MYO3B: variants seen among roughly 807,000 people sequenced by gnomAD.
MYO3B encodes the protein myosin IIIB.
In MYO3B, 156 loss-of-function variants were observed where a neutral mutation model predicts 174.6. The ratio of observed to expected loss-of-function variants is 0.89; its 90% CI spans 0.78 to 1.02. MYO3B has a LOEUF of 1.02. Among genes scored for constraint, MYO3B ranks in the 50% least tolerant of loss-of-function variants. The probability of loss-of-function intolerance (pLI) is 0.00; values close to 1 mark genes in which losing one functional copy is unlikely to be tolerated. For missense variants in MYO3B, 1,632 were observed against 1,639.4 expected (o/e 1.00, Z 0.08); for synonymous variants, 563 against 569.1 (o/e 0.99, Z 0.15).
chr2:170,652,925 A>G, intron 34 of MYO3B, 58 bp from the exon 35 acceptor site: 1 of 1,601,416 alleles, frequency 6.2e-7, no homozygotes, highest in Non-Finnish European at 8.5e-7. Flanking sequence ...TGCCCCAGTG[A>G]TGATTGTAAC....
chr2:170,237,285 A>G (rs1320441501), intron 7 of MYO3B, among the ~76,000 whole-genome samples: 1 of 152,186 alleles, frequency 6.6e-6, no homozygotes, highest in Non-Finnish European at 1.5e-5. Flanking sequence ...GGTGTCTGGA[A>G]TGATTTGTGT....
intron 32 of MYO3B, among the ~76,000 whole-genome samples, chr2:170,554,270 G>A (rs541519184): frequency 6.6e-6 from 1 of 152,344 alleles, no homozygotes; most frequent in East Asian, 1.9e-4. Flanking sequence ...GGTGCTCTCT[G>A]AAGGAACTCT....
At chr2:170,508,125 G>A (rs1421760517) in intron 28 of MYO3B, among the ~76,000 whole-genome samples, 1 of 152,094 alleles carries the variant, frequency 6.6e-6, no homozygotes, top group African/African-American at 2.4e-5. Flanking sequence ...GCAACAGTAG[G>A]TACCCCTAGG....
rs762371576 is a variant in MYO3B, at chr2:170,402,875, G to C, written c.2157G>C (p.Gly719=). 1 of 1,612,002 alleles carries C rather than the reference G, an allele frequency of 6.2e-7. No individual in the cohort carries two copies. Among genetic ancestry groups the C allele is most frequent in the Non-Finnish European group, 8.5e-7 (1 of 1,178,458 alleles). ...ICSAGGGMNV[G]ILDIFGFENF... is the part of the protein sequence containing the mutation. ...GTGCAGGAGGTGGAATGAATGTGGG[G>C]ATCTTGGATATCTTTGGATTCGAGA... is the stretch of plus-strand genomic sequence containing the variant. Residue 719 remains glycine, a synonymous_variant, in exon 19 of 35, where the codon GGG becomes GGC. Transcript: ENST00000408978.
chr2:170,180,088 C>T, intron 1 of MYO3B: 1 of 362,652 alleles, frequency 2.8e-6, no homozygotes, highest in South Asian at 1.9e-5. Flanking sequence ...TAAAATGTTG[C>T]TGGGCAAGTT....
intron 6 of MYO3B, among the ~76,000 whole-genome samples, chr2:170,222,908 T>C (rs1336272646): frequency 6.6e-6 from 1 of 152,066 alleles, no homozygotes; most frequent in Non-Finnish European, 1.5e-5. Flanking sequence ...GATGCTAGCA[T>C]AGTGAGAGGC....
At chr2:170,453,914 G>T (rs1683760517) in intron 23 of MYO3B, among the ~76,000 whole-genome samples, 1 of 152,196 alleles carries the variant, frequency 6.6e-6, no homozygotes, top group Non-Finnish European at 1.5e-5. Flanking sequence ...TCAATGAGTG[G>T]TCTCTGGGCA....
intron 28 of MYO3B, 99 bp from the exon 29 acceptor site, chr2:170,514,822 A>G (rs1688204487): frequency 1.0e-6 from 1 of 965,010 alleles, no homozygotes; most frequent in Admixed American, 2.3e-5. Context: ...ACCGTAAGAA[A>G]AGTGTGGATT....
At chr2:170,499,522 A>T in intron 26 of MYO3B, 124 bp from the exon 27 acceptor site, 2 of 892,038 alleles carry the variant, frequency 2.2e-6, no homozygotes, top group Non-Finnish European at 3.4e-6. Flanking sequence ...TGTGAGCATA[A>T]GTCACATCGC....
At chr2:170,374,014 A>G (rs1430599520) in intron 9 of MYO3B, among the ~76,000 whole-genome samples, 1 of 152,198 alleles carries the variant, frequency 6.6e-6, no homozygotes, top group African/African-American at 2.4e-5. Flanking sequence ...ATCCTATTGT[A>G]GTGAAGTTAA....
chr2:170,280,415 A>G (rs535695235), intron 7 of MYO3B, among the ~76,000 whole-genome samples: 39 of 152,094 alleles, frequency 2.6e-4, no homozygotes, highest in African/African-American at 8.9e-4. Context: ...TCTAGGTTGT[A>G]TGCTTACTCT....
At chr2:170,366,199 C>T (rs1355768095) in intron 8 of MYO3B, among the ~76,000 whole-genome samples, 1 of 152,146 alleles carries the variant, frequency 6.6e-6, no homozygotes, top group African/African-American at 2.4e-5. Context: ...AACTTGGTGC[C>T]ATCCCTACTG....
chr2:170,440,385 A>C (rs1420793099), intron 22 of MYO3B, among the ~76,000 whole-genome samples: 1 of 152,208 alleles, frequency 6.6e-6, no homozygotes, highest in Non-Finnish European at 1.5e-5. Context: ...GAACATTTTA[A>C]CAATGTTAAG....
rs760530266 is a variant in MYO3B at position 170,391,651 on chromosome 2, G to T, written c.1676+33G>T. On this transcript the variant is annotated intron_variant, in intron 15 of 34. Transcript: ENST00000408978. ...TCAGGGGGGTTGGTTGTTAATTTTTGATGAATGTACGATTAGCAGTTGACA... is the reference window on the plus strand; with the variant it reads ...TCAGGGGGGTTGGTTGTTAATTTTTTATGAATGTACGATTAGCAGTTGACA... The T allele has an allele frequency of 2.0e-5, 25 of 1,238,108 alleles. 1 individual carries two copies. In the Middle Eastern group the frequency reaches 1.3e-3, roughly 65 times the overall value. The allele number at this position is 1,238,108 out of a possible 1,614,324, so 76.7% of individuals were successfully genotyped here.
At chr2:170,548,054 C>A (rs1489278491) in intron 32 of MYO3B, among the ~76,000 whole-genome samples, 1 of 129,846 alleles carries the variant, frequency 7.7e-6, no homozygotes, top group Non-Finnish European at 1.5e-5. Context: ...TTGCAGTGAG[C>A]CAAGATCGCG....
chr2:170,297,317 A>G (rs529722129), intron 7 of MYO3B, among the ~76,000 whole-genome samples: 32 of 138,918 alleles, frequency 2.3e-4, no homozygotes, highest in Middle Eastern at 7.4e-3. Context: ...CCCTCCCCCA[A>G]TGACATGCAC....
At chr2:170,621,001 GC>G (rs1206225198) in intron 32 of MYO3B, among the ~76,000 whole-genome samples, 1 of 151,886 alleles carries the variant, frequency 6.6e-6, no homozygotes, top group Middle Eastern at 3.2e-3. Flanking sequence ...CGCTTCTCCT[GC>G]CTCAGCCTCC....
intron 6 of MYO3B, among the ~76,000 whole-genome samples, chr2:170,231,357 T>C (rs13025873): frequency 0.28 from 42,443 of 152,188 alleles, 7,034 homozygotes; most frequent in South Asian, 0.5. Context: ...TTTCTTGTTC[T>C]CAATCTTCTC....
intron 7 of MYO3B, 23 bp downstream of exon 7, chr2:170,236,159 T>G (rs1340904951): frequency 1.9e-6 from 3 of 1,613,978 alleles, no homozygotes; most frequent in Non-Finnish European, 2.5e-6. Flanking sequence ...ATGGCGCTCT[T>G]GACTCATTAG....
Sources: allele counts gnomAD v4.1 joint callset (sites outside exome capture counted in the v4.1 genomes callset), GRCh38; gene constraint gnomAD v4.1.1; transcripts MANE v1.5; gene names NCBI Gene and HGNC (gene_info 2026-07-23, HGNC 2026-07-21).